RPS6KC1: variants seen among roughly 807,000 people sequenced by gnomAD.
RPS6KC1 encodes the protein ribosomal protein S6 kinase C1.
RPS6KC1 carries 54 observed loss-of-function variants against 103.8 expected under a neutral mutation model. The ratio of observed to expected loss-of-function variants is 0.52; its 90% CI spans 0.42 to 0.65. The LOEUF is 0.65. Among genes scored for constraint, RPS6KC1 ranks in the 30% least tolerant of loss-of-function variants. The probability of loss-of-function intolerance (pLI) is 0.00; values close to 1 mark genes in which losing one functional copy is unlikely to be tolerated. For synonymous variants in RPS6KC1, 439 were observed against 438.7 expected (o/e 1.00, Z -0.01); for missense variants, 1,151 against 1,253.8 (o/e 0.92, Z 1.24).
the RPS6KC1 span, among the ~76,000 whole-genome samples, chr1:213,468,526 T>A: frequency 6.6e-6 from 1 of 152,172 alleles, no homozygotes; most frequent in South Asian, 2.1e-4. Context: ...GTTAAATAGA[T>A]CAGTTTCTAT....
the RPS6KC1 span, among the ~76,000 whole-genome samples, chr1:213,382,320 C>T: frequency 1.3e-5 from 2 of 152,280 alleles, no homozygotes; most frequent in South Asian, 2.1e-4. Context: ...CATCTGTCTC[C>T]GAAGCCTCCT....
At chr1:213,299,009 T>C in the RPS6KC1 span, among the ~76,000 whole-genome samples, 1 of 152,194 alleles carries the variant, frequency 6.6e-6, no homozygotes, top group East Asian at 1.9e-4. Flanking sequence ...TGAAGTCTTC[T>C]TCACTCACGT....
At chr1:213,478,337 G>A in the RPS6KC1 span, among the ~76,000 whole-genome samples, 2 of 152,090 alleles carry the variant, frequency 1.3e-5, no homozygotes. Flanking sequence ...GCTAGTTTTT[G>A]TATGGATATA....
the RPS6KC1 span, among the ~76,000 whole-genome samples, chr1:213,440,263 T>C: frequency 1.3e-5 from 2 of 152,178 alleles, no homozygotes; most frequent in African/African-American, 4.8e-5. Context: ...TTATTGAGCA[T>C]CCTATATGTC....
At chr1:213,308,316 G>GA in the RPS6KC1 span, among the ~76,000 whole-genome samples, 3,077 of 55,808 alleles carry the variant, frequency 0.055, 63 homozygotes, top group Middle Eastern at 0.12. Flanking sequence ...CCTGTCTCCA[G>GA]AAAAAAAAAA....
the RPS6KC1 span, among the ~76,000 whole-genome samples, chr1:213,507,470 G>T: frequency 2.0e-5 from 3 of 152,064 alleles, no homozygotes; most frequent in African/African-American, 7.2e-5. Flanking sequence ...AAGGACAGAT[G>T]CAAAGAAAGT....
At chr1:213,442,815 T>TAC in the RPS6KC1 span, among the ~76,000 whole-genome samples, 6 of 152,180 alleles carry the variant, frequency 3.9e-5, no homozygotes, top group Non-Finnish European at 7.3e-5. Flanking sequence ...GCTGTGTTCC[T>TAC]ACATGGCCTT....
chr1:213,455,624 C>G, the RPS6KC1 span, among the ~76,000 whole-genome samples: 1 of 151,968 alleles, frequency 6.6e-6, no homozygotes, highest in Non-Finnish European at 1.5e-5. Context: ...TGAAGGAAGT[C>G]TTGGAATGAG....
Position 213,154,166 on chromosome 1 carries a change from T to C in RPS6KC1, c.836-13692T>C, listed in dbSNP as rs539421982. Among the ~76,000 whole-genome samples the C allele has an allele frequency of 7.1e-3, 872 of 122,814 alleles. 12 individuals carry two copies. The highest frequency in any genetic ancestry group is 0.023 in the African/African-American group (728 of 31,048). The allele number at this position is 122,814 out of a possible 152,430, so 80.6% of individuals were successfully genotyped here. A position where few individuals can be genotyped will look rare whatever the true frequency, so the allele number is the denominator to read the frequency against. On this transcript the variant is annotated intron_variant, in intron 6 of 14. Coordinates refer to ENST00000366960, the MANE Select transcript of RPS6KC1 (RefSeq NM_012424.6). ...AAAGCTGGAGGTGGAGTGACACCCC[T>C]GGGGCCACCACCACTATGACTGCTC...
the RPS6KC1 span, among the ~76,000 whole-genome samples, chr1:213,512,311 A>G: frequency 1.3e-5 from 2 of 152,368 alleles, no homozygotes; most frequent in East Asian, 3.9e-4. Flanking sequence ...CTTTATTAAG[A>G]GAGAAAGCCT....
At chr1:213,055,252 G>A (rs761982303) in intron 1 of RPS6KC1, among the ~76,000 whole-genome samples, 3 of 151,470 alleles carry the variant, frequency 2.0e-5, no homozygotes, top group Non-Finnish European at 4.4e-5. Flanking sequence ...GCAACCACTG[G>A]TTTGCTTTCT....
chr1:213,297,813 AG>A, the RPS6KC1 span, among the ~76,000 whole-genome samples: 2 of 152,176 alleles, frequency 1.3e-5, no homozygotes, highest in Admixed American at 6.5e-5. Context: ...GGTAGGGACA[AG>A]GTCTCACTAC....
the RPS6KC1 span, among the ~76,000 whole-genome samples, chr1:213,673,795 A>T: frequency 6.6e-6 from 1 of 152,100 alleles, no homozygotes; most frequent in Non-Finnish European, 1.5e-5. Context: ...CTTCAATCTT[A>T]TCCCTTTCTT....
At chr1:213,069,123 C>T (rs986259287) in intron 1 of RPS6KC1, among the ~76,000 whole-genome samples, 3 of 152,064 alleles carry the variant, frequency 2.0e-5, no homozygotes, top group Non-Finnish European at 4.4e-5. Flanking sequence ...CTCAAAGTAG[C>T]CATATTTCAG....
chr1:213,537,869 T>C, the RPS6KC1 span, among the ~76,000 whole-genome samples: 1 of 152,236 alleles, frequency 6.6e-6, no homozygotes, highest in South Asian at 2.1e-4. Context: ...GCTTTGTATA[T>C]ATCTATTGGC....
intron 3 of RPS6KC1, among the ~76,000 whole-genome samples, chr1:213,079,382 A>G (rs1294583690): frequency 6.6e-6 from 1 of 152,124 alleles, no homozygotes; most frequent in Admixed American, 6.5e-5. Flanking sequence ...AATAATTGTA[A>G]CATCATTTTC....
the RPS6KC1 span, among the ~76,000 whole-genome samples, chr1:213,579,625 T>C: frequency 6.6e-6 from 1 of 152,068 alleles, no homozygotes. Flanking sequence ...GAGAAGTCAA[T>C]GCCTCGCCTC....
the RPS6KC1 span, among the ~76,000 whole-genome samples, chr1:213,421,818 T>C: frequency 6.6e-6 from 1 of 152,262 alleles, no homozygotes; most frequent in Non-Finnish European, 1.5e-5. Context: ...GGCTTGGAGA[T>C]GACCTGACCT....
the RPS6KC1 span, among the ~76,000 whole-genome samples, chr1:213,813,284 A>C: frequency 6.6e-6 from 1 of 151,824 alleles, no homozygotes; most frequent in East Asian, 2.0e-4. Flanking sequence ...CAATGGCATG[A>C]TCTCAGCTGA....
Sources: allele counts gnomAD v4.1 joint callset (sites outside exome capture counted in the v4.1 genomes callset), GRCh38; gene constraint gnomAD v4.1.1; transcripts MANE v1.5; gene names NCBI Gene and HGNC (gene_info 2026-07-23, HGNC 2026-07-21).